SV2C: variants seen among roughly 807,000 people sequenced by gnomAD.
SV2C encodes the protein solute carrier family 22 member B3.
In SV2C, 49 loss-of-function variants were observed where a neutral mutation model predicts 79.7. The ratio of observed to expected loss-of-function variants is 0.61; its 90% confidence interval spans 0.49 to 0.78. SV2C has a LOEUF of 0.78. Among genes scored for constraint, SV2C ranks in the 30% least tolerant of loss-of-function variants. The probability of loss-of-function intolerance (pLI) is 0.00; values close to 1 mark genes in which losing one functional copy is unlikely to be tolerated. For missense variants in SV2C, 833 were observed against 912.9 expected (o/e 0.91, Z 1.13); for synonymous variants, 334 against 333.2 (o/e 1.00, Z -0.03).
downstream of SV2C, among the ~76,000 whole-genome samples, chr5:76,336,665 C>T (rs1344807773): frequency 1.3e-5 from 2 of 152,276 alleles, no homozygotes; most frequent in African/African-American, 4.8e-5. Context: ...CCGAGGCCGG[C>T]GGACCACTCG....
chr5:75,911,455 C>G, the SV2C span: 2 of 949,494 alleles, frequency 2.1e-6, no homozygotes, highest in Non-Finnish European at 1.6e-6. Context: ...AAACCCCAGG[C>G]CCTCCTCAGG....
intron 1 of SV2C, among the ~76,000 whole-genome samples, chr5:76,120,458 C>T (rs1226308590): frequency 6.8e-6 from 1 of 146,366 alleles, no homozygotes; most frequent in Non-Finnish European, 1.5e-5. Context: ...TGCTGGTATG[C>T]TGCACCCATT....
chr5:76,179,704 C>G (rs1442371343), intron 2 of SV2C, among the ~76,000 whole-genome samples: 1 of 152,204 alleles, frequency 6.6e-6, no homozygotes, highest in Admixed American at 6.5e-5. Context: ...CTGAATTCAC[C>G]TCGACTTTGC....
At chr5:75,963,491 A>G in the SV2C span, among the ~76,000 whole-genome samples, 1 of 152,014 alleles carries the variant, frequency 6.6e-6, no homozygotes, top group African/African-American at 2.4e-5. Flanking sequence ...CTAAAATCCG[A>G]TATTATTCAA....
the SV2C span, among the ~76,000 whole-genome samples, chr5:75,901,902 A>T: frequency 6.6e-6 from 1 of 152,206 alleles, no homozygotes; most frequent in Non-Finnish European, 1.5e-5. Flanking sequence ...CAGGTGCGGG[A>T]TATAATCTTC....
At position 76,088,277 on chromosome 5, in the gene SV2C, A is replaced by T. The variant is rs925661541; in HGVS notation, c.-102+4765A>T. 4.6e-5 allele frequency among the ~76,000 whole-genome samples: 7 copies of T among 152,386 alleles called. No individual in the cohort carries two copies. The South Asian group carries it at 6.2e-4, about 14-fold the overall frequency. ...AAGATGCTCAGTTAAATTTGAATTT[A>T]GATAAACAATAAAAATTTTTAAGTA... On this transcript the variant is annotated intron_variant, in intron 1 of 12. Coordinates refer to ENST00000502798, the MANE Select transcript of SV2C (RefSeq NM_014979.4).
At chr5:76,234,600 C>T (rs888118466) in intron 4 of SV2C, among the ~76,000 whole-genome samples, 1 of 152,204 alleles carries the variant, frequency 6.6e-6, no homozygotes, top group African/African-American at 2.4e-5. Flanking sequence ...TGATTTCAGC[C>T]TTCTGTTTCT....
At chr5:76,284,129 C>G (rs942022513) in intron 4 of SV2C, among the ~76,000 whole-genome samples, 17 of 152,074 alleles carry the variant, frequency 1.1e-4, no homozygotes. Flanking sequence ...CATTTAGAAC[C>G]AGCCATTGGA....
At chr5:76,152,944 C>T (rs866069554) in intron 2 of SV2C, among the ~76,000 whole-genome samples, 3 of 152,280 alleles carry the variant, frequency 2.0e-5, no homozygotes, top group South Asian at 2.1e-4. Flanking sequence ...GTGAATTATT[C>T]CCCCAGAGAT....
chr5:76,248,448 C>T (rs182280988), intron 4 of SV2C, among the ~76,000 whole-genome samples: 102 of 152,144 alleles, frequency 6.7e-4, no homozygotes, highest in African/African-American at 2.4e-3. Context: ...GAATTCAGGC[C>T]CACCTTAATG....
chr5:76,178,988 C>T (rs1743630930), intron 2 of SV2C, among the ~76,000 whole-genome samples: 1 of 152,158 alleles, frequency 6.6e-6, no homozygotes, highest in Non-Finnish European at 1.5e-5. Flanking sequence ...ATAGTGTAGC[C>T]TCATGGAGTT....
rs1174650401 is a variant in SV2C at position 76,329,726 on chromosome 5, G to A, written c.*4179G>A. 1 of 151,730 alleles carries A rather than the reference G, an allele frequency of 6.6e-6. No individual in the cohort carries two copies. The highest frequency in any genetic ancestry group is 1.5e-5 in the Non-Finnish European group (1 of 67,916). 9.4% of individuals were successfully genotyped at this position (151,730 alleles called of 1,614,324 possible). A position where few individuals can be genotyped will look rare whatever the true frequency, so the allele number is the denominator to read the frequency against. ...TATGATATTCTCCAATTTTTTTTCT[G>A]TTTGATGTCAAAATGGCCTTTACCT... On this transcript the variant is annotated 3_prime_UTR_variant, in exon 13 of 13. Transcript: ENST00000502798.
the SV2C span, among the ~76,000 whole-genome samples, chr5:76,074,472 G>A: frequency 3.2e-4 from 48 of 152,316 alleles, no homozygotes; most frequent in African/African-American, 1.0e-3. Flanking sequence ...AACATAGAGA[G>A]ATTCAGTTAT....
the SV2C span, among the ~76,000 whole-genome samples, chr5:75,975,903 A>T: frequency 6.6e-6 from 1 of 152,180 alleles, no homozygotes; most frequent in Non-Finnish European, 1.5e-5. Context: ...AAGAGAGAAG[A>T]AGCAGAGATT....
chr5:76,050,262 T>C, the SV2C span, among the ~76,000 whole-genome samples: 1 of 152,336 alleles, frequency 6.6e-6, no homozygotes, highest in African/African-American at 2.4e-5. Flanking sequence ...TGCTATAAAT[T>C]GTACTTGGTT....
At chr5:75,892,683 T>C in the SV2C span, among the ~76,000 whole-genome samples, 3 of 152,134 alleles carry the variant, frequency 2.0e-5, no homozygotes, top group Admixed American at 2.0e-4. Context: ...GTATAAGTAG[T>C]GTTTGGTTTT....
chr5:76,250,670 C>T (rs998463624), intron 4 of SV2C, among the ~76,000 whole-genome samples: 1 of 152,208 alleles, frequency 6.6e-6, no homozygotes, highest in Non-Finnish European at 1.5e-5. Flanking sequence ...TGAGAAGGGT[C>T]TCCGCTCCTG....
chr5:75,886,595 A>G, the SV2C span, among the ~76,000 whole-genome samples: 7 of 152,274 alleles, frequency 4.6e-5, no homozygotes, highest in African/African-American at 1.7e-4. Flanking sequence ...GGCTTTAAGC[A>G]GATATTTGCC....
chr5:75,951,034 A>G, the SV2C span, among the ~76,000 whole-genome samples: 3 of 151,974 alleles, frequency 2.0e-5, no homozygotes, highest in African/African-American at 7.2e-5. Context: ...TCTTTATTCT[A>G]TAAGTGGTCT....
Sources: gnomAD v4.1 joint callset for allele counts (sites outside exome capture counted in the v4.1 genomes callset) on GRCh38, gnomAD v4.1.1 for gene constraint, MANE v1.5 for transcripts, NCBI Gene and HGNC (gene_info 2026-07-23, HGNC 2026-07-21) for gene names.